LRRC4C: variants seen among roughly 807,000 people sequenced by gnomAD.
The protein encoded by LRRC4C is leucine-rich repeat-containing protein 4C.
LRRC4C carries 5 observed loss-of-function variants against 33.6 expected under a neutral mutation model. The ratio of observed to expected loss-of-function variants is 0.15; its 90% CI spans 0.08 to 0.31. The LOEUF is 0.31. Ranked by LOEUF, LRRC4C falls within the 10% of genes least tolerant of loss-of-function variation. The probability of loss-of-function intolerance (pLI) is 1.00; values close to 1 mark genes in which losing one functional copy is unlikely to be tolerated. For synonymous variants in LRRC4C, 329 were observed against 302.0 expected, an observed-to-expected ratio of 1.09 and a Z score of -0.93; for missense variants, 560 against 796.7, an observed-to-expected ratio of 0.70 and a Z score of 3.58.
chr11:41,331,327 T>G lies in LRRC4C; in HGVS notation c.-496+128104A>C, dbSNP rs141089050. Among the ~76,000 whole-genome samples the G allele has an allele frequency of 4.1e-3, 619 of 152,264 alleles. 3 individuals are homozygous for G. The highest frequency in any genetic ancestry group is 0.013 in the African/African-American group (536 of 41,542). On this transcript the variant is annotated intron_variant, in intron 1 of 6. Coordinates refer to ENST00000528697, the MANE Select transcript of LRRC4C (RefSeq NM_001258419.2). ...CTGCTGCTTCTGAGCACTTATATCC[T>G]TCCTAAAATTTTAATTAGTATCTAC...
At chr11:41,062,442 AAC>A (rs776164200) in intron 1 of LRRC4C, among the ~76,000 whole-genome samples, 24 of 152,224 alleles carry the variant, frequency 1.6e-4, no homozygotes, top group Non-Finnish European at 2.2e-4. Flanking sequence ...TTGATAAAAC[AAC>A]AGTTTCCATT....
chr11:41,117,312 G>C (rs187528446), intron 1 of LRRC4C, among the ~76,000 whole-genome samples: 125 of 152,236 alleles, frequency 8.2e-4, no homozygotes, highest in African/African-American at 2.9e-3. Flanking sequence ...TCCACTTTTA[G>C]AGTGGTTTAC....
At chr11:41,279,711 G>A (rs1219333348) in intron 1 of LRRC4C, among the ~76,000 whole-genome samples, 1 of 152,040 alleles carries the variant, frequency 6.6e-6, no homozygotes, top group African/African-American at 2.4e-5. Flanking sequence ...TGGCCAGAAG[G>A]AAATTTGACT....
At chr11:40,786,247 T>C (rs1950407286) in intron 2 of LRRC4C, among the ~76,000 whole-genome samples, 3 of 152,330 alleles carry the variant, frequency 2.0e-5, no homozygotes, top group Middle Eastern at 3.4e-3. Flanking sequence ...TGCAGAATTG[T>C]CTTCCCCACC....
chr11:41,246,984 G>T (rs1188771453), intron 1 of LRRC4C, among the ~76,000 whole-genome samples: 1 of 152,110 alleles, frequency 6.6e-6, no homozygotes, highest in Non-Finnish European at 1.5e-5. Context: ...CTGCAAATTT[G>T]GACATCTTTC....
At chr11:40,911,646 C>A (rs1956696133) in intron 2 of LRRC4C, among the ~76,000 whole-genome samples, 1 of 152,346 alleles carries the variant, frequency 6.6e-6, no homozygotes, top group Middle Eastern at 3.4e-3. Flanking sequence ...AGCCTCTCTT[C>A]CTCCAAAGGA....
At chr11:40,721,181 A>G (rs1591548581) in intron 2 of LRRC4C, among the ~76,000 whole-genome samples, 1 of 152,298 alleles carries the variant, frequency 6.6e-6, no homozygotes, top group African/African-American at 2.4e-5. Context: ...CTAGATCCCC[A>G]GTGCGGTGGA....
intron 5 of LRRC4C, among the ~76,000 whole-genome samples, chr11:40,161,547 A>G (rs1859156505): frequency 6.6e-6 from 1 of 152,150 alleles, no homozygotes; most frequent in East Asian, 1.9e-4. Context: ...TGAGCTCAGG[A>G]GTTCAAGACC....
chr11:40,833,162 C>T (rs925093783), intron 2 of LRRC4C, among the ~76,000 whole-genome samples: 4 of 151,952 alleles, frequency 2.6e-5, no homozygotes, highest in African/African-American at 7.3e-5. Flanking sequence ...TTTAATATTC[C>T]GTGTGATAAA....
At chr11:40,743,841 C>G (rs1462777164) in intron 2 of LRRC4C, among the ~76,000 whole-genome samples, 1 of 152,088 alleles carries the variant, frequency 6.6e-6, no homozygotes, top group East Asian at 1.9e-4. Flanking sequence ...CCTGTGCTAG[C>G]TTTGCTGTGG....
At chr11:40,940,925 CTTT>C (rs35666750) in intron 1 of LRRC4C, among the ~76,000 whole-genome samples, 40 of 131,570 alleles carry the variant, frequency 3.0e-4, no homozygotes, top group Non-Finnish European at 3.7e-4. Flanking sequence ...GTTACAAAAT[CTTT>C]TTTTTTTTTT....
chr11:41,115,850 T>C (rs954728924), intron 1 of LRRC4C, among the ~76,000 whole-genome samples: 1 of 152,112 alleles, frequency 6.6e-6, no homozygotes, highest in Non-Finnish European at 1.5e-5. Flanking sequence ...TGTTTCATTT[T>C]ATCCAAGGCA....
intron 3 of LRRC4C, among the ~76,000 whole-genome samples, chr11:40,515,788 G>A (rs1378620158): frequency 2.0e-5 from 3 of 151,972 alleles, no homozygotes; most frequent in African/African-American, 4.8e-5. Context: ...CATGTTTGAG[G>A]TGAACCAGTT....
intron 2 of LRRC4C, among the ~76,000 whole-genome samples, chr11:40,745,150 A>G (rs1156652735): frequency 6.6e-6 from 1 of 152,192 alleles, no homozygotes; most frequent in Non-Finnish European, 1.5e-5. Flanking sequence ...TTTAATGGCG[A>G]TACGCAGAAA....
intron 2 of LRRC4C, among the ~76,000 whole-genome samples, chr11:40,786,387 A>G (rs867845636): frequency 6.6e-6 from 1 of 152,170 alleles, no homozygotes; most frequent in Non-Finnish European, 1.5e-5. Context: ...TCATCACAAG[A>G]AGAAAATACA....
At chr11:40,782,954 TA>T (rs1156608452) in intron 2 of LRRC4C, among the ~76,000 whole-genome samples, 3 of 152,158 alleles carry the variant, frequency 2.0e-5, no homozygotes, top group Non-Finnish European at 4.4e-5. Flanking sequence ...TATATATTTA[TA>T]AATTCAGTTA....
At chr11:40,555,789 A>T (rs1957311607) in intron 3 of LRRC4C, among the ~76,000 whole-genome samples, 2 of 152,236 alleles carry the variant, frequency 1.3e-5, no homozygotes, top group African/African-American at 4.8e-5. Context: ...ATGGCTGAGT[A>T]CTGTTCTACT....
chr11:41,070,174 T>A (rs1938570541), intron 1 of LRRC4C, among the ~76,000 whole-genome samples: 2 of 152,286 alleles, frequency 1.3e-5, no homozygotes, highest in Admixed American at 1.3e-4. Context: ...GGGAAAGGAT[T>A]CCCTGTTTAA....
chr11:41,457,260 A>C (rs1956198654), intron 1 of LRRC4C, among the ~76,000 whole-genome samples: 2 of 152,174 alleles, frequency 1.3e-5, no homozygotes. Context: ...TAATTTGCCA[A>C]ATTCCAGAAC....
Sources: allele counts gnomAD v4.1 joint callset (sites outside exome capture counted in the v4.1 genomes callset), GRCh38; gene constraint gnomAD v4.1.1; transcripts MANE v1.5; gene names NCBI Gene and HGNC (gene_info 2026-07-23, HGNC 2026-07-21).